POMK: variants seen among roughly 807,000 people sequenced by gnomAD.
The protein encoded by POMK is protein O-mannose kinase, also known as Sugen kinase 196.
POMK carries 19 observed loss-of-function variants against 23.0 expected under a neutral mutation model. The observed-to-expected ratio is 0.83, with a 90% CI of 0.58 to 1.21. The LOEUF (loss-of-function observed/expected upper bound fraction) is 1.21, where lower values mean the gene tolerates loss of function less well. Ranked by LOEUF, POMK falls within the 50% of genes most tolerant of loss-of-function variation. POMK has a pLI of 0.00. For missense variants in POMK, 410 were observed against 431.3 expected (o/e 0.95, Z 0.44); for synonymous variants, 173 against 171.6 (o/e 1.01, Z -0.06).
At chr8:43,110,588 T>C (rs1276142951) in intron 4 of POMK, among the ~76,000 whole-genome samples, 1 of 152,224 alleles carries the variant, frequency 6.6e-6, no homozygotes, top group African/African-American at 2.4e-5. Context: ...CATTTTACTT[T>C]AGGACCAGAT....
At chr8:43,110,579 A>G (rs1811631061) in intron 4 of POMK, among the ~76,000 whole-genome samples, 2 of 152,192 alleles carry the variant, frequency 1.3e-5, no homozygotes, top group Admixed American at 1.3e-4. Context: ...TTAAACAGTC[A>G]TTTTACTTTA....
intron 4 of POMK, among the ~76,000 whole-genome samples, chr8:43,111,488 T>A (rs1473158648): frequency 1.3e-5 from 2 of 152,214 alleles, no homozygotes; most frequent in African/African-American, 2.4e-5. Flanking sequence ...AGGCTCCACC[T>A]CTGGGGGCAG....
intron 4 of POMK, among the ~76,000 whole-genome samples, chr8:43,110,785 G>A (rs776896269): frequency 1.3e-5 from 2 of 152,140 alleles, no homozygotes; most frequent in Non-Finnish European, 2.9e-5. Flanking sequence ...GTTGTGCTGG[G>A]TGCATATATT....
chr8:43,107,505 G>A (rs1811567572), intron 4 of POMK, among the ~76,000 whole-genome samples: 1 of 151,520 alleles, frequency 6.6e-6, no homozygotes. Flanking sequence ...CTCCTGAGTA[G>A]CTGGGATTAC....
In POMK at chr8:43,103,857, T is replaced by C. The variant is rs774951327; in HGVS notation, c.282+27T>C. On this transcript the variant is annotated intron_variant, in intron 4 of 4. Transcript: ENST00000331373. ...TGAGTCCGGGTTCATTTGCGATTGC[T>C]GTCATCCTGTTATTTCGCTTAACAC... 1.1e-5 allele frequency: 18 copies of C among 1,609,528 alleles called. No individual in the cohort carries two copies. The South Asian group carries it at 1.9e-4, about 17-fold the overall frequency.
chr8:43,109,174 A>G (rs1258557257), intron 4 of POMK, among the ~76,000 whole-genome samples: 1 of 152,218 alleles, frequency 6.6e-6, no homozygotes, highest in Non-Finnish European at 1.5e-5. Context: ...CGTTTAAAAC[A>G]TTGGATATTA....
At chr8:43,118,288 A>G (rs1201584982) in intron 4 of POMK, among the ~76,000 whole-genome samples, 1 of 152,234 alleles carries the variant, frequency 6.6e-6, no homozygotes, top group African/African-American at 2.4e-5. Context: ...GCTCAGTTAA[A>G]TGAAAAAAGA....
At chr8:43,111,060 T>C (rs895202036) in intron 4 of POMK, among the ~76,000 whole-genome samples, 9 of 151,780 alleles carry the variant, frequency 5.9e-5, no homozygotes, top group Admixed American at 2.0e-4. Flanking sequence ...CACTGGGGAG[T>C]GCCGGACAGT....
intron 4 of POMK, among the ~76,000 whole-genome samples, chr8:43,117,037 C>T (rs1218724200): frequency 2.6e-5 from 4 of 152,132 alleles, no homozygotes; most frequent in Non-Finnish European, 5.9e-5. Flanking sequence ...CTTTTTGAGC[C>T]AGGATGAGCC....
At chr8:43,122,040 T>C (rs943762739) in intron 4 of POMK, 67 bp from the exon 5 acceptor site, 41 of 1,456,868 alleles carry the variant, frequency 2.8e-5, no homozygotes, top group Non-Finnish European at 3.8e-5. Context: ...TAAAAGATAT[T>C]TGTTGTTCTT....
chr8:43,122,029 T>C, intron 4 of POMK, 78 bp from the exon 5 acceptor site: 2 of 1,402,614 alleles, frequency 1.4e-6, no homozygotes, highest in African/African-American at 1.4e-5. Flanking sequence ...CACCTGCCAC[T>C]TAAAAGATAT....
chr8:43,104,318 C>T (rs1811506235), intron 4 of POMK, among the ~76,000 whole-genome samples: 2 of 152,058 alleles, frequency 1.3e-5, no homozygotes, highest in Admixed American at 6.5e-5. Context: ...GATGGGGTTT[C>T]ACCATGTTGG....
chr8:43,114,279 G>A (rs1037043618), intron 4 of POMK, among the ~76,000 whole-genome samples: 4 of 152,182 alleles, frequency 2.6e-5, no homozygotes, highest in African/African-American at 9.7e-5. Flanking sequence ...AGAGCTTCCC[G>A]GCTGCTTTGT....
chr8:43,109,895 T>C (rs1563338932), intron 4 of POMK, among the ~76,000 whole-genome samples: 1 of 152,266 alleles, frequency 6.6e-6, no homozygotes, highest in Non-Finnish European at 1.5e-5. Context: ...ATTTTGTTTT[T>C]TTCTTAGAAC....
At chr8:43,108,210 A>G (rs1454402815) in intron 4 of POMK, among the ~76,000 whole-genome samples, 1 of 152,202 alleles carries the variant, frequency 6.6e-6, no homozygotes, top group African/African-American at 2.4e-5. Flanking sequence ...GGAACCCTGT[A>G]CAGGGACTGT....
At position 43,118,998 on chromosome 8, in the gene POMK, A is replaced by G. The variant is rs926166216; in HGVS notation, c.283-3109A>G. ...GGCTAATTTTTTGTATTTTTAGTAG[A>G]GATGGGATTTCACCATGTTAGCCAG... On this transcript the variant is annotated intron_variant, in intron 4 of 4. Transcript: ENST00000331373. Among the ~76,000 whole-genome samples the G allele has an allele frequency of 5.9e-5, 9 of 152,192 alleles. No homozygotes were observed. In the East Asian group the frequency reaches 1.6e-3, roughly 26 times the overall value.
chr8:43,112,603 A>G lies in POMK; in HGVS notation c.282+8773A>G, dbSNP rs1201942071. 5.9e-5 allele frequency among the ~76,000 whole-genome samples: 9 copies of G among 152,154 alleles called. No homozygotes were observed. In the South Asian group the frequency reaches 1.9e-3, roughly 31 times the overall value. On this transcript the variant is annotated intron_variant, in intron 4 of 4. Transcript: ENST00000331373. ...TCCTCGAGAAGAGCAACTCCAAGAC[A>G]CATAATTGTCAGATTCACCAAAGTT...
At position 43,122,910 on chromosome 8, in the gene POMK, G is replaced by T. The variant is rs1481968018; in HGVS notation, c.*33G>T. 1.9e-6 allele frequency: 3 copies of T among 1,555,462 alleles called. No individual in the cohort carries two copies. In the Admixed American group the frequency reaches 5.5e-5, roughly 29 times the overall value. On this transcript the variant is annotated 3_prime_UTR_variant, in exon 5 of 5. Coordinates refer to ENST00000331373, the MANE Select transcript of POMK (RefSeq NM_032237.5). ...TCCAGCCAATGAAGGTGGGATTGAA[G>T]GGCTGAATGGAAGTTACAGCATTCT...
At chr8:43,108,217 C>A (rs1811583185) in intron 4 of POMK, among the ~76,000 whole-genome samples, 1 of 152,084 alleles carries the variant, frequency 6.6e-6, no homozygotes, top group African/African-American at 2.4e-5. Flanking sequence ...TGTACAGGGA[C>A]TGTGTAGACA....
Sources: allele counts gnomAD v4.1 joint callset (sites outside exome capture counted in the v4.1 genomes callset), GRCh38; gene constraint gnomAD v4.1.1; transcripts MANE v1.5; gene names NCBI Gene and HGNC (gene_info 2026-07-23, HGNC 2026-07-21).